Variants in TMEM131 observed in about 807,000 individuals in gnomAD.
TMEM131 encodes transmembrane protein 131, also known as 2610524E03Rik.
In TMEM131, 66 loss-of-function variants were observed where a neutral mutation model predicts 211.6. The observed-to-expected ratio is 0.31, with a 90% confidence interval of 0.26 to 0.38. TMEM131 has a LOEUF of 0.38. Among genes scored for constraint, TMEM131 ranks in the 10% least tolerant of loss-of-function variants. The pLI, the probability that TMEM131 is intolerant of heterozygous loss-of-function variation, is 1.00. For synonymous variants in TMEM131, 844 were observed against 841.3 expected, an observed-to-expected ratio of 1.00 and a Z score of -0.06; for missense variants, 2,036 against 2,299.3, an observed-to-expected ratio of 0.89 and a Z score of 2.34.
At chr2:97,757,809 A>G (rs192894601) in intron 40 of TMEM131, among the ~76,000 whole-genome samples, 61 of 152,374 alleles carry the variant, frequency 4.0e-4, no homozygotes, top group Admixed American at 3.9e-3. Context: ...GTGCACTGCA[A>G]TGGCAGTGGT....
chr2:97,922,476 T>C (rs1157710238), intron 2 of TMEM131, among the ~76,000 whole-genome samples: 1 of 151,986 alleles, frequency 6.6e-6, no homozygotes, highest in Non-Finnish European at 1.5e-5. Context: ...AAAATACACA[T>C]AAACAGCAGA....
At chr2:97,911,542 CAT>C (rs142726096) in intron 2 of TMEM131, 21 of 720,574 alleles carry the variant, frequency 2.9e-5, no homozygotes, top group Non-Finnish European at 2.9e-5. Context: ...GTGTATCACT[CAT>C]GTGCACTTTC....
intron 2 of TMEM131, among the ~76,000 whole-genome samples, chr2:97,918,959 C>T (rs918084326): frequency 4.6e-5 from 7 of 152,180 alleles, no homozygotes; most frequent in Non-Finnish European, 8.8e-5. Context: ...GGCTCATTCA[C>T]GTGATGGGAA....
chr2:97,811,809 G>A (rs1400810221), intron 17 of TMEM131, among the ~76,000 whole-genome samples: 1 of 152,204 alleles, frequency 6.6e-6, no homozygotes, highest in African/African-American at 2.4e-5. Flanking sequence ...ATTATCTGAT[G>A]CTCCTTCTCA....
At chr2:97,961,060 C>T (rs1678791942) in intron 1 of TMEM131, among the ~76,000 whole-genome samples, 1 of 151,494 alleles carries the variant, frequency 6.6e-6, no homozygotes, top group Non-Finnish European at 1.5e-5. Context: ...TTACAACTGA[C>T]ATCGTACTTG....
chr2:97,799,018 G>A (rs1481216577), intron 25 of TMEM131, among the ~76,000 whole-genome samples: 5 of 152,132 alleles, frequency 3.3e-5, no homozygotes, highest in Non-Finnish European at 7.3e-5. Context: ...TTTTATAGTG[G>A]TGGTTCTCCA....
intron 33 of TMEM131, among the ~76,000 whole-genome samples, chr2:97,769,057 GTC>G (rs890308506): frequency 4.7e-5 from 7 of 149,856 alleles, no homozygotes; most frequent in African/African-American, 1.7e-4. Context: ...CAACTCCTGA[GTC>G]TCTAACTCCT....
chr2:97,949,817 C>CAAAAA lies in TMEM131; in HGVS notation c.188-22335_188-22331dup, dbSNP rs386390704. 2.3e-3 allele frequency among the ~76,000 whole-genome samples: 152 copies of CAAAAA among 66,848 alleles called. 3 individuals carry two copies. The highest frequency in any genetic ancestry group is 2.9e-3 in the Admixed American group (14 of 4,784). The allele number at this position is 66,848 out of a possible 152,430, so 43.9% of individuals were successfully genotyped here. On this transcript the variant is annotated intron_variant, in intron 1 of 40. Transcript: ENST00000186436. Reference sequence around the variant, plus strand: ...CCTGGGCGACAGAGTGAGACTGTCTCAAAAAAAAAAAAAAAAAAAAAAGTC... The same window carrying CAAAAA: ...CCTGGGCGACAGAGTGAGACTGTCTCAAAAAAAAAAAAAAAAAAAAAAAAAAAGTC...
At position 97,766,473 on chromosome 2, in the gene TMEM131, A is replaced by G. The variant is rs753317474; in HGVS notation, c.4573+5T>C. ...ACATGATCATAGAGAACAAGATGACAATACCTTTTGTTTTCTGGGCATTTC... is the reference window on the plus strand; with the variant it reads ...ACATGATCATAGAGAACAAGATGACGATACCTTTTGTTTTCTGGGCATTTC... On this transcript the variant is annotated splice_donor_5th_base_variant and intron_variant, in intron 34 of 40. Coordinates refer to ENST00000186436, the MANE Select transcript of TMEM131 (RefSeq NM_015348.2). 5.6e-6 allele frequency: 9 copies of G among 1,613,962 alleles called. No homozygotes were observed. The East Asian group carries it at 2.0e-4, about 36-fold the overall frequency.
intron 2 of TMEM131, among the ~76,000 whole-genome samples, chr2:97,918,850 A>AAAC (rs139076944): frequency 0.78 from 117,901 of 152,018 alleles, 47,651 homozygotes; most frequent in African/African-American, 0.93. Flanking sequence ...TAGCGGCTTA[A>AAAC]AACAATTTAT....
intron 2 of TMEM131, 164 bp downstream of exon 2, chr2:97,927,262 T>G (rs908052937): frequency 2.2e-6 from 1 of 446,852 alleles, no homozygotes; most frequent in Non-Finnish European, 3.9e-6. Flanking sequence ...AAAACTCACG[T>G]AACTACAGAG....
At chr2:97,873,074 C>T (rs1674556316) in intron 4 of TMEM131, among the ~76,000 whole-genome samples, 1 of 152,220 alleles carries the variant, frequency 6.6e-6, no homozygotes, top group African/African-American at 2.4e-5. Context: ...GGGGCGTCCG[C>T]CATTGCTAAG....
intron 6 of TMEM131, among the ~76,000 whole-genome samples, chr2:97,843,816 A>C (rs1683306387): frequency 6.6e-6 from 1 of 152,258 alleles, no homozygotes; most frequent in African/African-American, 2.4e-5. Context: ...TGAATGTTTT[A>C]ATCTTGACAC....
rs73959805 is a variant in TMEM131, at chr2:97,760,571, G to A, written c.5108+22C>T. ...TTGAGAAGCCTTCCGTCTTTCTAGC[G>A]GTTAGTGGTGGTCTACCGTACCTGT... On this transcript the variant is annotated intron_variant, in intron 38 of 40. Coordinates refer to ENST00000186436, the MANE Select transcript of TMEM131 (RefSeq NM_015348.2). 6.1e-3 allele frequency: 9,716 copies of A among 1,596,138 alleles called. 499 individuals are homozygous for A. The African/African-American group carries it at 0.11, about 18-fold the overall frequency.
intron 2 of TMEM131, among the ~76,000 whole-genome samples, chr2:97,921,863 C>A (rs555817938): frequency 2.7e-4 from 41 of 152,220 alleles, no homozygotes; most frequent in African/African-American, 9.9e-4. Flanking sequence ...AGATCATTAG[C>A]CATTCTCCAG....
At chr2:97,824,825 T>G (rs1682296987) in intron 11 of TMEM131, among the ~76,000 whole-genome samples, 1 of 152,236 alleles carries the variant, frequency 6.6e-6, no homozygotes, top group South Asian at 2.1e-4. Flanking sequence ...CAAAGCTTAG[T>G]AAGGAAATGC....
At chr2:97,975,625 T>TA (rs1362574802) in intron 1 of TMEM131, among the ~76,000 whole-genome samples, 3 of 152,014 alleles carry the variant, frequency 2.0e-5, no homozygotes, top group African/African-American at 4.8e-5. Flanking sequence ...AAATTGTGGT[T>TA]AAAAAAATCC....
At chr2:97,963,834 C>T (rs1678925228) in intron 1 of TMEM131, among the ~76,000 whole-genome samples, 1 of 152,156 alleles carries the variant, frequency 6.6e-6, no homozygotes, top group African/African-American at 2.4e-5. Context: ...GATGTTTATA[C>T]TACATCACAT....
chr2:97,865,430 C>T lies in TMEM131; in HGVS notation c.360-6003G>A, dbSNP rs59353887. Among the ~76,000 whole-genome samples the T allele has an allele frequency of 4.2e-3, 640 of 152,288 alleles. 3 individuals are homozygous for T. Among genetic ancestry groups the T allele is most frequent in the African/African-American group, 0.015 (607 of 41,546 alleles). ...GTCAGCCTTCAGGTTATCATAGATG[C>T]TCTTTATTAGGTTGAAGAAAATCCC... On this transcript the variant is annotated intron_variant, in intron 4 of 40. Coordinates refer to ENST00000186436, the MANE Select transcript of TMEM131 (RefSeq NM_015348.2).
Sources: gnomAD v4.1 joint callset for allele counts (sites outside exome capture counted in the v4.1 genomes callset) on GRCh38, gnomAD v4.1.1 for gene constraint, MANE v1.5 for transcripts, NCBI Gene and HGNC (gene_info 2026-07-23, HGNC 2026-07-21) for gene names.